Variants in CNTNAP3 observed in about 807,000 individuals in gnomAD.
CNTNAP3 encodes the protein contactin associated protein family member 3.
CNTNAP3 carries 36 observed loss-of-function variants against 92.1 expected under a neutral mutation model. The observed-to-expected ratio is 0.39, with a 90% confidence interval of 0.30 to 0.52. The LOEUF is 0.52. Ranked by LOEUF, CNTNAP3 falls within the 20% of genes least tolerant of loss-of-function variation. The pLI, the probability that CNTNAP3 is intolerant of heterozygous loss-of-function variation, is 0.76. For synonymous variants in CNTNAP3, 232 were observed against 422.3 expected, an observed-to-expected ratio of 0.55 and a Z score of 5.53; for missense variants, 534 against 1,069.6, an observed-to-expected ratio of 0.50 and a Z score of 6.98.
chr9:39,093,423 C>T (rs1265318179), intron 18 of CNTNAP3, among the ~76,000 whole-genome samples: 1 of 137,864 alleles, frequency 7.3e-6, no homozygotes, highest in Non-Finnish European at 1.6e-5. Flanking sequence ...ATATGAAATT[C>T]AGTAGCATTA....
At chr9:39,135,598 G>A (rs139275056) in intron 12 of CNTNAP3, among the ~76,000 whole-genome samples, 2,757 of 152,234 alleles carry the variant, frequency 0.018, 56 homozygotes, top group East Asian at 0.11. Context: ...CAGTACAGAT[G>A]TTCCTCAATT....
At chr9:39,111,709 G>A (rs1225967298) in intron 14 of CNTNAP3, among the ~76,000 whole-genome samples, 2 of 152,232 alleles carry the variant, frequency 1.3e-5, no homozygotes, top group African/African-American at 4.8e-5. Context: ...AATTATTTAT[G>A]GAGGATGCTT....
At chr9:39,141,897 TAATA>T (rs1176330990) in intron 11 of CNTNAP3, among the ~76,000 whole-genome samples, 10 of 152,122 alleles carry the variant, frequency 6.6e-5, no homozygotes, top group African/African-American at 2.2e-4. Context: ...TATATACAAT[TAATA>T]ATTATATACA....
At chr9:39,108,365 G>C (rs1405893580) in intron 15 of CNTNAP3, among the ~76,000 whole-genome samples, 1 of 152,144 alleles carries the variant, frequency 6.6e-6, no homozygotes, top group Non-Finnish European at 1.5e-5. Flanking sequence ...TACAGAAACT[G>C]CTTGGTATTA....
At chr9:39,114,284 C>T (rs1467797684) in intron 14 of CNTNAP3, among the ~76,000 whole-genome samples, 1 of 151,802 alleles carries the variant, frequency 6.6e-6, no homozygotes, top group Non-Finnish European at 1.5e-5. Context: ...CGGGGTTTCA[C>T]CTGTGTTAGC....
chr9:39,114,539 G>C (rs1020365903), intron 14 of CNTNAP3, among the ~76,000 whole-genome samples: 1 of 152,008 alleles, frequency 6.6e-6, no homozygotes, highest in East Asian at 1.9e-4. Context: ...GCTTTCTTTT[G>C]ATTTGTATTT....
intron 23 of CNTNAP3, among the ~76,000 whole-genome samples, chr9:39,076,392 C>T (rs1825764677): frequency 6.6e-6 from 1 of 152,312 alleles, no homozygotes; most frequent in Non-Finnish European, 1.5e-5. Flanking sequence ...TAAAATTGAA[C>T]ACGAAAGTAC....
At chr9:39,086,016 C>T (rs1474348076) in intron 20 of CNTNAP3, 193 bp from the exon 21 acceptor site, 6 of 653,556 alleles carry the variant, frequency 9.2e-6, no homozygotes, top group African/African-American at 3.7e-5. Flanking sequence ...CCTATGATGC[C>T]ATCAGCTACC....
chr9:39,106,290 A>AATTT lies in CNTNAP3; in HGVS notation c.2366-2380_2366-2377dup, dbSNP rs554465005. Among the ~76,000 whole-genome samples the AATTT allele has an allele frequency of 8.7e-4, 132 of 152,176 alleles. 1 individual carries two copies. Among genetic ancestry groups the AATTT allele is most frequent in the African/African-American group, 3.0e-3 (125 of 41,506 alleles). ...ATTTTTCTTTCTTTCTTCATTAATCAATTTATTTATTTATTTTAGAGATGA... is the reference window on the plus strand; with the variant it reads ...ATTTTTCTTTCTTTCTTCATTAATCAATTTATTTATTTATTTATTTTAGAGATGA... On this transcript the variant is annotated intron_variant, in intron 15 of 23. Transcript: ENST00000297668.
chr9:39,073,749 C>T lies in CNTNAP3; in HGVS notation c.*141G>A, dbSNP rs1825680838. Reference sequence around the variant, plus strand: ...CAGCCAGGTGACAGCACTGCACCTGCTTGTGTGCACCCTGATGGCAACAGC... The same window carrying T: ...CAGCCAGGTGACAGCACTGCACCTGTTTGTGTGCACCCTGATGGCAACAGC... On this transcript the variant is annotated 3_prime_UTR_variant, in exon 24 of 24. Coordinates refer to ENST00000297668, the MANE Select transcript of CNTNAP3 (RefSeq NM_033655.5). 2 of 1,570,592 alleles carry T rather than the reference C, an allele frequency of 1.3e-6. No homozygotes were observed. Among genetic ancestry groups the T allele is most frequent in the Non-Finnish European group, 8.6e-7 (1 of 1,159,340 alleles).
rs190801294 is a variant in CNTNAP3 at position 39,079,228 on chromosome 9, A to G, written c.3443-308T>C. On this transcript the variant is annotated intron_variant, in intron 21 of 23. Transcript: ENST00000297668. ...GCATAAATTTAAGAAATCCTCTGCC[A>G]TTTAATTTTTAAAATATAGCATTAA... 5.3e-3 allele frequency among the ~76,000 whole-genome samples: 810 copies of G among 151,860 alleles called. 11 individuals carry two copies. The highest frequency in any genetic ancestry group is 0.018 in the African/African-American group (763 of 41,480).
chr9:39,101,873 A>C (rs1013238506), intron 17 of CNTNAP3, among the ~76,000 whole-genome samples: 2 of 152,302 alleles, frequency 1.3e-5, no homozygotes, highest in Admixed American at 1.3e-4. Flanking sequence ...GAATGGTTCA[A>C]GTTTGGGGGT....
chr9:39,130,746 G>A (rs1360465203), intron 13 of CNTNAP3, among the ~76,000 whole-genome samples: 7 of 151,806 alleles, frequency 4.6e-5, no homozygotes, highest in African/African-American at 9.7e-5. Context: ...CTCGTGATCC[G>A]CCCGCCTCGG....
At position 39,067,569 on chromosome 9, in the gene CNTNAP3, T is replaced by C. The variant is rs1291579869; in HGVS notation, c.*6321A>G. 6.6e-6 allele frequency among the ~76,000 whole-genome samples: 1 copy of C among 152,304 alleles called. No individual in the cohort carries two copies. Among genetic ancestry groups the C allele is most frequent in the East Asian group, 1.9e-4 (1 of 5,206 alleles). ...CCCAACACCACGCCCGGCTAATTTTTGTATGTTTAGTAGAGACGGGGTTTC... is the reference window on the plus strand; with the variant it reads ...CCCAACACCACGCCCGGCTAATTTTCGTATGTTTAGTAGAGACGGGGTTTC... On this transcript the variant is annotated 3_prime_UTR_variant, in exon 24 of 24. Transcript: ENST00000297668.
chr9:39,116,017 TGGCACTC>T (rs1484546893), intron 14 of CNTNAP3, among the ~76,000 whole-genome samples: 1 of 152,068 alleles, frequency 6.6e-6, no homozygotes, highest in Non-Finnish European at 1.5e-5. Flanking sequence ...TAGCCGGGTG[TGGCACTC>T]GGCTGTAATC....
chr9:39,125,673 G>A (rs1324748342), intron 13 of CNTNAP3, among the ~76,000 whole-genome samples: 1 of 152,076 alleles, frequency 6.6e-6, no homozygotes, highest in Non-Finnish European at 1.5e-5. Flanking sequence ...AAGAAAGCCA[G>A]AGTATCTAAA....
intron 13 of CNTNAP3, among the ~76,000 whole-genome samples, chr9:39,130,333 A>T (rs1821249725): frequency 6.6e-6 from 1 of 152,064 alleles, no homozygotes; most frequent in Non-Finnish European, 1.5e-5. Context: ...TGATATACAC[A>T]ATTATGCAAA....
At chr9:39,133,576 G>A (rs1391362602) in intron 12 of CNTNAP3, among the ~76,000 whole-genome samples, 2 of 151,898 alleles carry the variant, frequency 1.3e-5, no homozygotes, top group African/African-American at 4.8e-5. Context: ...CATACTCACA[G>A]GTATGATAGG....
chr9:39,077,543 C>A (rs1307347654), intron 23 of CNTNAP3, among the ~76,000 whole-genome samples: 1 of 150,762 alleles, frequency 6.6e-6, no homozygotes, highest in Non-Finnish European at 1.5e-5. Context: ...GGCGACACAG[C>A]GAGACTCTGT....
Sources: gnomAD v4.1 joint callset for allele counts (sites outside exome capture counted in the v4.1 genomes callset) on GRCh38, gnomAD v4.1.1 for gene constraint, MANE v1.5 for transcripts, NCBI Gene and HGNC (gene_info 2026-07-23, HGNC 2026-07-21) for gene names.